ATP6V0A4: variants seen among roughly 807,000 people sequenced by gnomAD.
ATP6V0A4 encodes the protein V-type proton ATPase 116 kDa subunit a 4.
Under a neutral mutation model 107.3 loss-of-function variants are expected in ATP6V0A4, and 86 were observed. That is an observed-to-expected ratio of 0.80 (90% CI 0.67 to 0.96). The LOEUF (loss-of-function observed/expected upper bound fraction) is 0.96. ATP6V0A4 is among the 40% of genes least tolerant of loss of function. ATP6V0A4 has a pLI of 0.00. For missense variants in ATP6V0A4, 908 were observed against 1,045.6 expected (o/e 0.87, Z 1.81); for synonymous variants, 353 against 381.4 (o/e 0.93, Z 0.87).
intron 13 of ATP6V0A4, among the ~76,000 whole-genome samples, chr7:138,746,971 T>C (rs1805982306): frequency 6.6e-6 from 1 of 152,182 alleles, no homozygotes; most frequent in South Asian, 2.1e-4. Context: ...CTCATGATAT[T>C]TTAAGTAAAA....
intron 8 of ATP6V0A4, 137 bp downstream of exon 8, chr7:138,759,614 AG>A: frequency 2.1e-6 from 2 of 940,292 alleles, no homozygotes; most frequent in Non-Finnish European, 3.3e-6. Flanking sequence ...GTAAAAGGGA[AG>A]GAAAAAAAGG....
At position 138,745,194 on chromosome 7, in the gene ATP6V0A4, G is replaced by A. The variant is rs1055398830; in HGVS notation, c.1407C>T (p.Cys469=). 1.9e-6 allele frequency: 3 copies of A among 1,614,116 alleles called. No homozygotes were observed. The highest frequency in any genetic ancestry group is 2.5e-6 in the Non-Finnish European group (3 of 1,180,038). The change falls in exon 14 of 22, where the codon TGC becomes TGT. Residue 469 remains cysteine (C), a synonymous_variant. Transcript: ENST00000310018. ...SIYTGLIYND[C]FSKSLNIFGS... is the part of the protein sequence containing the mutation. ...CAAAGATGTTCAAGGACTTGGAGAAGCAGTCATTGTAGATCAAACCCGTGT... is the reference window on the plus strand; with the variant it reads ...CAAAGATGTTCAAGGACTTGGAGAAACAGTCATTGTAGATCAAACCCGTGT...
At chr7:138,718,950 C>T (rs1402011390) in intron 19 of ATP6V0A4, among the ~76,000 whole-genome samples, 2 of 151,646 alleles carry the variant, frequency 1.3e-5, no homozygotes, top group African/African-American at 4.8e-5. Flanking sequence ...TTTGGAAGGC[C>T]GAGGCATGAG....
intron 15 of ATP6V0A4, among the ~76,000 whole-genome samples, chr7:138,737,954 G>T (rs1168155003): frequency 1.3e-5 from 2 of 151,604 alleles, no homozygotes; most frequent in South Asian, 4.2e-4. Context: ...TGGAGACAAG[G>T]TTTCACCATG....
chr7:138,726,002 T>TTTA (rs946555063), intron 18 of ATP6V0A4, among the ~76,000 whole-genome samples: 1 of 151,974 alleles, frequency 6.6e-6, no homozygotes, highest in Non-Finnish European at 1.5e-5. Flanking sequence ...TATTTATTTA[T>TTTA]TTTTTGAGAC....
chr7:138,770,248 A>G (rs1047628367), intron 3 of ATP6V0A4, among the ~76,000 whole-genome samples: 10 of 151,826 alleles, frequency 6.6e-5, no homozygotes, highest in Admixed American at 1.3e-4. Context: ...GAAGGAAGGA[A>G]GAGAGGGAGG....
At chr7:138,768,653 C>T in intron 5 of ATP6V0A4, 127 bp downstream of exon 5, 2 of 1,162,034 alleles carry the variant, frequency 1.7e-6, no homozygotes, top group Non-Finnish European at 2.4e-6. Flanking sequence ...GGGAGACGAC[C>T]ATGCAGGCCT....
Position 138,777,931 on chromosome 7 carries a change from C to T in ATP6V0A4, c.-17-6667G>A, listed in dbSNP as rs114588636. Among the ~76,000 whole-genome samples, 801 of 152,244 alleles carry T rather than the reference C, an allele frequency of 5.3e-3. 5 individuals are homozygous for T. Among genetic ancestry groups the T allele is most frequent in the African/African-American group, 0.018 (765 of 41,556 alleles). Reference sequence around the variant, plus strand: ...GGAAATACTCCAAAATCCCAAACTCCGAGCACCAACATGACACCACAAGTG... The same window carrying T: ...GGAAATACTCCAAAATCCCAAACTCTGAGCACCAACATGACACCACAAGTG... On this transcript the variant is annotated intron_variant, in intron 2 of 21. Transcript: ENST00000310018.
At chr7:138,766,258 A>G (rs1021321612) in intron 5 of ATP6V0A4, among the ~76,000 whole-genome samples, 1 of 149,206 alleles carries the variant, frequency 6.7e-6, no homozygotes, top group African/African-American at 2.5e-5. Context: ...GCTGGAGTGC[A>G]GTAGTGCGAT....
chr7:138,733,572 CTTTTTTTT>C (rs3080537), intron 16 of ATP6V0A4, among the ~76,000 whole-genome samples: 18 of 87,070 alleles, frequency 2.1e-4, no homozygotes, highest in Middle Eastern at 6.0e-3. Context: ...AATGGTTTCT[CTTTTTTTT>C]TTTTTTTTTT....
chr7:138,755,604 C>T, intron 10 of ATP6V0A4, 85 bp downstream of exon 10: 16 of 1,575,888 alleles, frequency 1.0e-5, no homozygotes, highest in Non-Finnish European at 1.4e-5. Context: ...CAGCAAGGGC[C>T]CTGGGGGGCA....
At chr7:138,716,512 C>T (rs371257183) in intron 19 of ATP6V0A4, among the ~76,000 whole-genome samples, 2 of 149,022 alleles carry the variant, frequency 1.3e-5, no homozygotes, top group East Asian at 3.9e-4. Context: ...AATAACAGAA[C>T]GAAGAAGACA....
chr7:138,731,308 G>A lies in ATP6V0A4; in HGVS notation c.1908+1569C>T, dbSNP rs539528505. 3.3e-5 allele frequency among the ~76,000 whole-genome samples: 5 copies of A among 151,948 alleles called. No homozygotes were observed. In the East Asian group the frequency reaches 9.7e-4, roughly 29 times the overall value. ...GAACTGAACTCATGAGAAGGGGCATGGCCGTAGAAGCATGACATTAACTAC... is the reference window on the plus strand; with the variant it reads ...GAACTGAACTCATGAGAAGGGGCATAGCCGTAGAAGCATGACATTAACTAC... On this transcript the variant is annotated intron_variant, in intron 17 of 21. Coordinates refer to ENST00000310018, the MANE Select transcript of ATP6V0A4 (RefSeq NM_020632.3).
chr7:138,797,998 T>C (rs1213328561), intron 1 of ATP6V0A4, 36 bp downstream of exon 1: 5 of 1,547,730 alleles, frequency 3.2e-6, no homozygotes, highest in African/African-American at 2.7e-5. Flanking sequence ...TCTGGCAGAG[T>C]TGCTTTCCAG....
chr7:138,747,927 A>G (rs537602659), intron 12 of ATP6V0A4, among the ~76,000 whole-genome samples: 33 of 151,642 alleles, frequency 2.2e-4, no homozygotes, highest in Non-Finnish European at 4.0e-4. Context: ...ACTACTTTTT[A>G]AAATTTTCTA....
intron 2 of ATP6V0A4, among the ~76,000 whole-genome samples, chr7:138,776,050 T>G (rs186298305): frequency 1.2e-4 from 18 of 152,270 alleles, no homozygotes; most frequent in Admixed American, 1.1e-3. Context: ...AGCCTACAAG[T>G]AATCCTCCCA....
intron 21 of ATP6V0A4, among the ~76,000 whole-genome samples, chr7:138,707,588 C>T (rs1179612341): frequency 4.7e-5 from 7 of 149,774 alleles, no homozygotes; most frequent in African/African-American, 1.7e-4. Context: ...TTTTAGTAAA[C>T]ACCAGGTTTT....
intron 8 of ATP6V0A4, among the ~76,000 whole-genome samples, chr7:138,757,840 G>A (rs527871621): frequency 1.3e-5 from 2 of 152,308 alleles, no homozygotes; most frequent in Admixed American, 1.3e-4. Context: ...CAACTCAGTG[G>A]ACACAATAGA....
intron 4 of ATP6V0A4, 25 bp downstream of exon 4, chr7:138,769,148 A>AAG (rs374123555): frequency 2.6e-5 from 1 of 38,182 alleles, no homozygotes; most frequent in South Asian, 4.8e-4. Context: ...GAACAGTAAG[A>AAG]AAAAAAAAAA....
Sources: gnomAD v4.1 joint callset for allele counts (sites outside exome capture counted in the v4.1 genomes callset) on GRCh38, gnomAD v4.1.1 for gene constraint, MANE v1.5 for transcripts, NCBI Gene and HGNC (gene_info 2026-07-23, HGNC 2026-07-21) for gene names.